Variants in ANO4 observed in about 807,000 individuals in gnomAD.
ANO4 encodes the protein anoctamin 4.
A neutral mutation model predicts 141.9 loss-of-function variants in ANO4; 69 were observed. The observed-to-expected ratio is 0.49, with a 90% CI of 0.40 to 0.59. The LOEUF is 0.59. Among genes scored for constraint, ANO4 ranks in the 20% least tolerant of loss-of-function variants. The probability of loss-of-function intolerance (pLI) is 0.00; values close to 1 mark genes in which losing one functional copy is unlikely to be tolerated. For synonymous variants in ANO4, 350 were observed against 394.3 expected (o/e 0.89, Z 1.33); for missense variants, 894 against 1,162.2 (o/e 0.77, Z 3.36).
intron 1 of ANO4, among the ~76,000 whole-genome samples, chr12:100,828,751 A>G (rs1463581011): frequency 6.6e-6 from 1 of 152,052 alleles, no homozygotes; most frequent in African/African-American, 2.4e-5. Flanking sequence ...CTCCAACTTC[A>G]TATAGCTTAT....
chr12:100,912,999 G>C (rs1282979457), intron 2 of ANO4, among the ~76,000 whole-genome samples: 1 of 152,118 alleles, frequency 6.6e-6, no homozygotes, highest in Non-Finnish European at 1.5e-5. Context: ...AGGTGGGGGT[G>C]CTTAGGAAAA....
At chr12:101,120,166 A>G (rs1182212306) in intron 25 of ANO4, among the ~76,000 whole-genome samples, 7 of 152,084 alleles carry the variant, frequency 4.6e-5, no homozygotes, top group Admixed American at 4.6e-4. Flanking sequence ...CTCTCTCCAT[A>G]CAAGGCCACC....
intron 15 of ANO4, 56 bp downstream of exon 15, chr12:101,079,331 A>ACC (rs34514121): frequency 6.9e-6 from 9 of 1,306,922 alleles, no homozygotes; most frequent in Non-Finnish European, 9.8e-6. Flanking sequence ...GAACCACACG[A>ACC]CCCCCCCCCA....
At chr12:100,741,360 T>C (rs1392223220) in intron 3 of ANO4, among the ~76,000 whole-genome samples, 2 of 152,156 alleles carry the variant, frequency 1.3e-5, no homozygotes, top group Admixed American at 6.6e-5. Context: ...AACTAATCTT[T>C]AAAGCAGTAG....
At chr12:100,934,580 T>G (rs1253497234) in intron 3 of ANO4, among the ~76,000 whole-genome samples, 2 of 152,200 alleles carry the variant, frequency 1.3e-5, no homozygotes, top group African/African-American at 2.4e-5. Context: ...GTGGGCTCTT[T>G]TTTGGTTCCA....
intron 2 of ANO4, among the ~76,000 whole-genome samples, chr12:100,920,555 G>T (rs140546059): frequency 6.8e-6 from 1 of 147,706 alleles, no homozygotes; most frequent in Non-Finnish European, 1.5e-5. Flanking sequence ...GAAGAAAAAA[G>T]CAAATAACCC....
chr12:100,887,039 TA>T (rs1422202530), intron 1 of ANO4, among the ~76,000 whole-genome samples: 1 of 152,212 alleles, frequency 6.6e-6, no homozygotes, highest in Non-Finnish European at 1.5e-5. Flanking sequence ...AGATTGCCTG[TA>T]AAAAAATTTT....
chr12:101,020,794 C>T (rs1593036307), intron 9 of ANO4, among the ~76,000 whole-genome samples: 1 of 152,178 alleles, frequency 6.6e-6, no homozygotes, highest in Non-Finnish European at 1.5e-5. Context: ...TATTATATTA[C>T]ACATTTCCTG....
intron 5 of ANO4, among the ~76,000 whole-genome samples, chr12:100,948,145 C>T (rs1335381402): frequency 5.1e-5 from 5 of 98,108 alleles, no homozygotes; most frequent in East Asian, 2.7e-4. Flanking sequence ...AGCAAGACTT[C>T]GTCTCAAAAA....
intron 1 of ANO4, among the ~76,000 whole-genome samples, chr12:100,877,160 A>G (rs1359403332): frequency 1.3e-5 from 2 of 152,090 alleles, no homozygotes; most frequent in Non-Finnish European, 2.9e-5. Flanking sequence ...AACGGGCACA[A>G]AGTTTTGGTG....
At position 101,081,029 on chromosome 12, in the gene ANO4, GTA is replaced by G. The variant is rs1282852261; in HGVS notation, c.1395+1756_1395+1757del. ...CATATATATATGTATGTGAGTGTGT[GTA>G]TGTGTGTGTGTGTGTGTATACATAT... is the stretch of plus-strand genomic sequence containing the variant. On this transcript the variant is annotated intron_variant, in intron 15 of 27. Transcript: ENST00000392977. 7.4e-5 allele frequency among the ~76,000 whole-genome samples: 10 copies of G among 134,524 alleles called. No individual in the cohort carries two copies. In the East Asian group the frequency reaches 1.3e-3, roughly 17 times the overall value. 88.3% of individuals were successfully genotyped at this position (134,524 alleles called of 152,430 possible).
At chr12:100,985,915 G>A (rs768496448) in intron 7 of ANO4, among the ~76,000 whole-genome samples, 16 of 152,114 alleles carry the variant, frequency 1.1e-4, no homozygotes, top group Non-Finnish European at 2.2e-4. Flanking sequence ...AACCTGGCTG[G>A]GCTAAAGGAT....
intron 5 of ANO4, among the ~76,000 whole-genome samples, chr12:100,952,234 A>G (rs1405962212): frequency 1.3e-5 from 2 of 152,222 alleles, no homozygotes; most frequent in East Asian, 1.9e-4. Context: ...ATTTAGATCC[A>G]CTTACTACTT....
chr12:100,971,718 A>G (rs1302312542), intron 6 of ANO4, among the ~76,000 whole-genome samples: 1 of 152,166 alleles, frequency 6.6e-6, no homozygotes, highest in Non-Finnish European at 1.5e-5. Context: ...GCTGCTTTGA[A>G]CAGCCAGACC....
chr12:101,079,886 G>A (rs1420658092), intron 15 of ANO4, among the ~76,000 whole-genome samples: 1 of 152,186 alleles, frequency 6.6e-6, no homozygotes, highest in African/African-American at 2.4e-5. Context: ...CTCCTGACCT[G>A]TCTTGTTCTA....
At chr12:101,108,808 CAA>C (rs910216026) in intron 22 of ANO4, among the ~76,000 whole-genome samples, 2 of 151,934 alleles carry the variant, frequency 1.3e-5, no homozygotes, top group African/African-American at 4.8e-5. Context: ...TTGCAAGTTG[CAA>C]AAAGAGTAGT....
At chr12:101,025,307 A>G (rs528630934) in intron 9 of ANO4, among the ~76,000 whole-genome samples, 2 of 152,248 alleles carry the variant, frequency 1.3e-5, no homozygotes, top group South Asian at 4.1e-4. Flanking sequence ...CCACCTTGAC[A>G]TAGTTTCTAG....
chr12:100,938,686 A>T (rs1252552622), intron 3 of ANO4, among the ~76,000 whole-genome samples: 1 of 152,178 alleles, frequency 6.6e-6, no homozygotes, highest in Non-Finnish European at 1.5e-5. Context: ...ATATATTGAC[A>T]TGTTATTAAC....
chr12:100,726,232 GT>G (rs1565840405), intron 1 of ANO4, among the ~76,000 whole-genome samples: 1 of 151,694 alleles, frequency 6.6e-6, no homozygotes, highest in African/African-American at 2.4e-5. Flanking sequence ...TTAAACTTCA[GT>G]AAAAAAAAAA....
Sources: gnomAD v4.1 joint callset for allele counts (sites outside exome capture counted in the v4.1 genomes callset) on GRCh38, gnomAD v4.1.1 for gene constraint, MANE v1.5 for transcripts, NCBI Gene and HGNC (gene_info 2026-07-23, HGNC 2026-07-21) for gene names.